Variants in FBXO40 observed in about 807,000 individuals in gnomAD.
FBXO40 encodes the protein F-box only protein 40.
A neutral mutation model predicts 49.9 loss-of-function variants in FBXO40; 50 were observed. That is an observed-to-expected ratio of 1.00 (90% confidence interval 0.80 to 1.27). FBXO40 has a LOEUF of 1.27. FBXO40 is among the 50% of genes most tolerant of loss of function. The pLI is 0.00. For synonymous variants in FBXO40, 340 were observed against 320.2 expected (o/e 1.06, Z -0.66); for missense variants, 895 against 870.1 (o/e 1.03, Z -0.36).
At chr3:121,620,426 C>A in intron 1 of FBXO40, 120 bp from the exon 2 acceptor site, 2 of 833,372 alleles carry the variant, frequency 2.4e-6, no homozygotes, top group South Asian at 1.8e-5. Context: ...GAGATAAAGA[C>A]ACCTCCAGGA....
chr3:121,601,865 G>T (rs2048902766), intron 1 of FBXO40, among the ~76,000 whole-genome samples: 1 of 152,166 alleles, frequency 6.6e-6, no homozygotes, highest in South Asian at 2.1e-4. Flanking sequence ...TTTCTCTTCT[G>T]AATAAAAATA....
chr3:121,622,234 C>G lies in FBXO40; in HGVS notation c.805C>G (p.Pro269Ala), dbSNP rs2049035953. 9 of 1,613,962 alleles carry G rather than the reference C, an allele frequency of 5.6e-6. No homozygotes were observed. The highest frequency in any genetic ancestry group is 3.3e-4 in the Middle Eastern group (2 of 6,084). Residue 269 changes from proline (P) to alanine (A), a missense_variant, in exon 3 of 4, where the codon CCA becomes GCA. Transcript: ENST00000338040. The part of the protein sequence containing the change: ...EGEGAPKKKE[P>A]QENQKQQDVR... The stretch of plus-strand genomic sequence containing the variant: ...AGAGGGCGCTCCCAAAAAGAAAGAA[C>G]CACAGGAAAATCAGAAGCAGCAGGA...
intron 1 of FBXO40, among the ~76,000 whole-genome samples, chr3:121,594,932 A>G (rs780820428): frequency 6.6e-6 from 1 of 152,238 alleles, no homozygotes; most frequent in Non-Finnish European, 1.5e-5. Context: ...CTTCTGGAAT[A>G]ACTGTATAGT....
intron 2 of FBXO40, 127 bp from the exon 3 acceptor site, chr3:121,621,306 A>G: frequency 1.3e-6 from 1 of 771,942 alleles, no homozygotes; most frequent in Non-Finnish European, 2.1e-6. Context: ...TATTCCATAT[A>G]TTTCAAGGTT....
chr3:121,598,003 G>A (rs1303003499), intron 1 of FBXO40, among the ~76,000 whole-genome samples: 1 of 152,146 alleles, frequency 6.6e-6, no homozygotes, highest in Non-Finnish European at 1.5e-5. Flanking sequence ...GCTTTAGGTA[G>A]ATTAACTTGT....
At chr3:121,618,582 G>T (rs1367585472) in intron 1 of FBXO40, among the ~76,000 whole-genome samples, 1 of 149,540 alleles carries the variant, frequency 6.7e-6, no homozygotes, top group Non-Finnish European at 1.5e-5. Flanking sequence ...TTTTAGTAGA[G>T]ATGGGGTTTC....
In FBXO40 at chr3:121,628,651, A is replaced by T. The variant is rs2049076486; in HGVS notation, c.*1741A>T. On this transcript the variant is annotated 3_prime_UTR_variant, in exon 4 of 4. Transcript: ENST00000338040. ...GAAAATCCCTAAAGGATGTCATACT[A>T]GTGACAATAAGTTAGGATATGCTTA... is the stretch of plus-strand genomic sequence containing the variant. 6.6e-6 allele frequency: 1 copy of T among 152,250 alleles called. No individual in the cohort carries two copies. The highest frequency in any genetic ancestry group is 6.5e-5 in the Admixed American group (1 of 15,282). The allele number at this position is 152,250 out of a possible 1,614,324, so 9.4% of individuals were successfully genotyped here. A position where few individuals can be genotyped will look rare whatever the true frequency, so the allele number is the denominator to read the frequency against.
rs1188862986 is a variant in FBXO40, at chr3:121,629,836, T to C, written c.*2926T>C. 1 of 152,300 alleles carries C rather than the reference T, an allele frequency of 6.6e-6. No individual in the cohort carries two copies. Among genetic ancestry groups the C allele is most frequent in the Non-Finnish European group, 1.5e-5 (1 of 68,080 alleles). 9.4% of individuals were successfully genotyped at this position (152,300 alleles called of 1,614,324 possible). On this transcript the variant is annotated 3_prime_UTR_variant, in exon 4 of 4. Transcript: ENST00000338040. ...TGAGAGGAAGCTGGAGTGAACAGCA[T>C]GAACAGCGAGTGTTACCTGACAGAG...
intron 1 of FBXO40, among the ~76,000 whole-genome samples, chr3:121,612,798 G>C (rs757155376): frequency 9.7e-4 from 148 of 151,980 alleles, no homozygotes; most frequent in Non-Finnish European, 1.0e-3. Flanking sequence ...AGCCGGGCGC[G>C]GTGGCTCACA....
At chr3:121,598,450 C>G (rs1560126602) in intron 1 of FBXO40, among the ~76,000 whole-genome samples, 1 of 152,168 alleles carries the variant, frequency 6.6e-6, no homozygotes, top group East Asian at 1.9e-4. Context: ...TTAAAATTCC[C>G]CTGTCTTAGC....
At chr3:121,623,985 G>T (rs1313599698) in intron 3 of FBXO40, among the ~76,000 whole-genome samples, 1 of 82,552 alleles carries the variant, frequency 1.2e-5, no homozygotes, top group Non-Finnish European at 2.3e-5. Context: ...ACTGCACCTG[G>T]CCTTTTTTTT....
intron 1 of FBXO40, among the ~76,000 whole-genome samples, chr3:121,617,907 G>A (rs542664614): frequency 6.6e-6 from 1 of 152,260 alleles, no homozygotes; most frequent in Admixed American, 6.5e-5. Flanking sequence ...AGCTGAGGCA[G>A]AAGAATCGCT....
chr3:121,605,990 A>C (rs899530952), intron 1 of FBXO40, among the ~76,000 whole-genome samples: 2 of 152,238 alleles, frequency 1.3e-5, no homozygotes, highest in South Asian at 2.1e-4. Context: ...GAAAGGAAGG[A>C]TAGAAGCCCC....
intron 1 of FBXO40, among the ~76,000 whole-genome samples, chr3:121,599,699 CACA>C (rs2048891427): frequency 1.3e-5 from 1 of 74,582 alleles, no homozygotes; most frequent in African/African-American, 4.6e-5. Flanking sequence ...CACACACACA[CACA>C]CACATATATA....
intron 1 of FBXO40, among the ~76,000 whole-genome samples, chr3:121,603,120 T>G (rs1387164659): frequency 6.6e-6 from 1 of 152,228 alleles, no homozygotes; most frequent in Admixed American, 6.5e-5. Context: ...TCTCTTGGGC[T>G]TCTTTTATAA....
chr3:121,623,553 G>A (rs2049045898), intron 3 of FBXO40, among the ~76,000 whole-genome samples: 1 of 152,124 alleles, frequency 6.6e-6, no homozygotes, highest in African/African-American at 2.4e-5. Context: ...TTTAAATTGA[G>A]ATGGGGTCTT....
At chr3:121,598,666 TTGGGCAG>T (rs2048885368) in intron 1 of FBXO40, among the ~76,000 whole-genome samples, 1 of 152,158 alleles carries the variant, frequency 6.6e-6, no homozygotes, top group South Asian at 2.1e-4. Flanking sequence ...ATGCCTGGCA[TTGGGCAG>T]TGGTGGAGAT....
At chr3:121,608,761 C>T (rs188784355) in intron 1 of FBXO40, among the ~76,000 whole-genome samples, 2 of 152,286 alleles carry the variant, frequency 1.3e-5, no homozygotes, top group East Asian at 3.9e-4. Context: ...CAAAGGCATC[C>T]AGGCCATGCA....
At chr3:121,618,440 G>T (rs113716092) in intron 1 of FBXO40, among the ~76,000 whole-genome samples, 6 of 144,694 alleles carry the variant, frequency 4.1e-5, no homozygotes, top group African/African-American at 1.3e-4. Context: ...AGGCTGGAGC[G>T]CAGTGGCGTG....
Sources: gnomAD v4.1 joint callset for allele counts (sites outside exome capture counted in the v4.1 genomes callset) on GRCh38, gnomAD v4.1.1 for gene constraint, MANE v1.5 for transcripts, NCBI Gene and HGNC (gene_info 2026-07-23, HGNC 2026-07-21) for gene names.